The following LCORL variants were observed in gnomAD, a reference collection of about 807,000 sequenced individuals.
LCORL encodes the protein ligand-dependent nuclear receptor corepressor-like protein.
LCORL carries 41 observed loss-of-function variants against 141.8 expected under a neutral mutation model. The ratio of observed to expected loss-of-function variants is 0.29; its 90% confidence interval spans 0.23 to 0.38. LCORL has a LOEUF of 0.38. Among genes scored for constraint, LCORL ranks in the 10% least tolerant of loss-of-function variants. The pLI is 1.00. For missense variants in LCORL, 1,759 were observed against 2,035.0 expected, an observed-to-expected ratio of 0.86 and a Z score of 2.61; for synonymous variants, 618 against 694.1, an observed-to-expected ratio of 0.89 and a Z score of 1.72.
intron 4 of LCORL, among the ~76,000 whole-genome samples, chr4:17,945,934 T>C (rs1738806754): frequency 6.6e-6 from 1 of 151,878 alleles, no homozygotes; most frequent in South Asian, 2.1e-4. Flanking sequence ...ATGAAGAACT[T>C]AGAAACTTAA....
chr4:17,923,445 A>C (rs1355375963), intron 4 of LCORL, among the ~76,000 whole-genome samples: 1 of 152,250 alleles, frequency 6.6e-6, no homozygotes, highest in Non-Finnish European at 1.5e-5. Flanking sequence ...CAGGAGTTCG[A>C]GACCAGCCTG....
chr4:17,871,925 T>C (rs752371583), intron 7 of LCORL, among the ~76,000 whole-genome samples: 4 of 152,046 alleles, frequency 2.6e-5, no homozygotes, highest in Non-Finnish European at 5.9e-5. Context: ...CTTTCTGAAA[T>C]AGGTTTTAAA....
At chr4:17,926,206 T>C (rs140451123) in intron 4 of LCORL, among the ~76,000 whole-genome samples, 17 of 152,264 alleles carry the variant, frequency 1.1e-4, no homozygotes, top group South Asian at 2.1e-4. Flanking sequence ...CTTGATGAGA[T>C]TGAAGGATGC....
At chr4:17,848,509 C>T (rs547674550) in intron 7 of LCORL, among the ~76,000 whole-genome samples, 2 of 152,156 alleles carry the variant, frequency 1.3e-5, no homozygotes, top group African/African-American at 4.8e-5. Context: ...GCCACCACAC[C>T]CAAATAATTT....
At chr4:17,865,982 C>T (rs1725595460) in intron 7 of LCORL, among the ~76,000 whole-genome samples, 1 of 152,194 alleles carries the variant, frequency 6.6e-6, no homozygotes, top group African/African-American at 2.4e-5. Flanking sequence ...AAATCTCCGC[C>T]CTAAGTGCAA....
intron 1 of LCORL, among the ~76,000 whole-genome samples, chr4:18,018,419 A>T (rs1480803783): frequency 6.6e-6 from 1 of 152,200 alleles, no homozygotes; most frequent in Non-Finnish European, 1.5e-5. Context: ...AAGTAGAGAT[A>T]TTAATTGGGA....
chr4:17,950,075 A>G (rs1282662610), intron 4 of LCORL, among the ~76,000 whole-genome samples: 2 of 152,180 alleles, frequency 1.3e-5, no homozygotes, highest in East Asian at 3.8e-4. Flanking sequence ...ATAACTCAAC[A>G]TTACTTTTTA....
At chr4:17,847,511 T>C (rs1231446196) in intron 7 of LCORL, among the ~76,000 whole-genome samples, 3 of 152,226 alleles carry the variant, frequency 2.0e-5, no homozygotes, top group Non-Finnish European at 2.9e-5. Flanking sequence ...TATAAATAGA[T>C]ACTAGACAAA....
At chr4:17,893,752 T>C (rs549548494) in intron 5 of LCORL, among the ~76,000 whole-genome samples, 3 of 152,340 alleles carry the variant, frequency 2.0e-5, no homozygotes, top group East Asian at 3.9e-4. Flanking sequence ...AAATAATGTC[T>C]CTGTGTTACA....
At chr4:17,969,213 T>TA (rs1715482954) in intron 2 of LCORL, among the ~76,000 whole-genome samples, 1 of 152,192 alleles carries the variant, frequency 6.6e-6, no homozygotes, top group South Asian at 2.1e-4. Context: ...GGAACTCTTC[T>TA]AAAAGTACAC....
intron 4 of LCORL, among the ~76,000 whole-genome samples, chr4:17,945,426 C>T (rs534230327): frequency 1.3e-5 from 2 of 150,684 alleles, no homozygotes; most frequent in African/African-American, 2.4e-5. Flanking sequence ...TTTTTTTACA[C>T]TAGAATTTAT....
At chr4:17,877,487 G>C in exon 7 of LCORL, 1 of 1,229,822 alleles carries the variant, frequency 8.1e-7, no homozygotes, top group Non-Finnish European at 1.0e-6. Flanking sequence ...AAGAGTTACT[G>C]GATTTTTTAG....
intron 4 of LCORL, among the ~76,000 whole-genome samples, chr4:17,936,885 T>A (rs752299926): frequency 3.2e-4 from 49 of 152,142 alleles, no homozygotes; most frequent in Non-Finnish European, 6.3e-4. Context: ...TTGCAGGAAG[T>A]TCCTAATCAC....
At chr4:18,020,876 G>T (rs1285134323) in intron 1 of LCORL, 1 of 152,358 alleles carries the variant, frequency 6.6e-6, no homozygotes, top group African/African-American at 2.4e-5. Flanking sequence ...CCCCCCATCC[G>T]TCCAGACTTC....
intron 4 of LCORL, among the ~76,000 whole-genome samples, chr4:17,961,313 C>T (rs1713744590): frequency 6.6e-6 from 1 of 151,968 alleles, no homozygotes; most frequent in South Asian, 2.1e-4. Flanking sequence ...AAAACTACTA[C>T]TGCTTGATAC....
At chr4:17,988,438 TTTTTA>T (rs954835023) in intron 1 of LCORL, among the ~76,000 whole-genome samples, 7 of 152,130 alleles carry the variant, frequency 4.6e-5, no homozygotes, top group African/African-American at 1.7e-4. Flanking sequence ...CTGGCTTATT[TTTTTA>T]TTTTATTTTA....
chr4:17,945,827 G>A lies in LCORL; in HGVS notation c.430+16076C>T, dbSNP rs532127432. Reference sequence around the variant, plus strand: ...CGTATATGTTAAAAAAAAAAACTAGGCAAAATAATTGTCACAGTAGTTTCA... The same window carrying A: ...CGTATATGTTAAAAAAAAAAACTAGACAAAATAATTGTCACAGTAGTTTCA... On this transcript the variant is annotated intron_variant, in intron 4 of 7. Coordinates refer to ENST00000635767, the Ensembl canonical transcript of LCORL. Among the ~76,000 whole-genome samples, 18 of 151,518 alleles carry A rather than the reference G, an allele frequency of 1.2e-4. No homozygotes were observed. In the South Asian group the frequency reaches 3.5e-3, roughly 30 times the overall value.
intron 4 of LCORL, among the ~76,000 whole-genome samples, chr4:17,947,002 C>A (rs938372107): frequency 2.8e-4 from 43 of 152,170 alleles, no homozygotes; most frequent in African/African-American, 9.1e-4. Context: ...AACAATCCCA[C>A]TTCCGGGTAT....
At chr4:17,854,785 T>C (rs984734414) in intron 7 of LCORL, among the ~76,000 whole-genome samples, 1 of 152,226 alleles carries the variant, frequency 6.6e-6, no homozygotes, top group Admixed American at 6.5e-5. Flanking sequence ...GAAGATTTTA[T>C]AGACTTTTTC....
Sources: allele counts gnomAD v4.1 joint callset (sites outside exome capture counted in the v4.1 genomes callset), GRCh38; gene constraint gnomAD v4.1.1; transcripts MANE v1.5; gene names NCBI Gene and HGNC (gene_info 2026-07-23, HGNC 2026-07-21).